Variants in WWOX observed in about 807,000 individuals in gnomAD.
WWOX encodes WW domain containing oxidoreductase, also known as WW domain-containing oxidoreductase.
Under a neutral mutation model 46.2 loss-of-function variants are expected in WWOX, and 69 were observed. That is an observed-to-expected ratio of 1.49 (90% CI 1.23 to 1.82). The LOEUF (loss-of-function observed/expected upper bound fraction) is 1.82, where lower values mean the gene tolerates loss of function less well. WWOX is among the 40% of genes most tolerant of loss of function. The probability of loss-of-function intolerance (pLI) is 0.00; values close to 1 mark genes in which losing one functional copy is unlikely to be tolerated. For synonymous variants in WWOX, 359 were observed against 202.6 expected, an observed-to-expected ratio of 1.77 and a Z score of -6.56; for missense variants, 919 against 542.6, an observed-to-expected ratio of 1.69 and a Z score of -6.89.
chr16:78,463,140 G>A (rs934795440), intron 8 of WWOX, among the ~76,000 whole-genome samples: 2 of 152,156 alleles, frequency 1.3e-5, no homozygotes, highest in Non-Finnish European at 1.5e-5. Context: ...GGAGATTTGG[G>A]GTTGGCATGC....
chr16:78,108,435 G>C lies in WWOX; in HGVS notation c.120G>C (p.Glu40Asp), dbSNP rs756238528. The C allele has an allele frequency of 6.2e-7, 1 of 1,613,618 alleles. No homozygotes were observed. The highest frequency in any genetic ancestry group is 8.5e-7 in the Non-Finnish European group (1 of 1,179,848). The change falls in exon 2 of 9, where the codon GAG becomes GAC. Residue 40 changes from glutamate (E) to aspartate (D), a missense_variant. Glu to Asp is a conservative substitution (Grantham distance 45, BLOSUM62 2). Transcript: ENST00000566780. ...GWVYYANHTEEKTQWEHPKTG... is the reference protein window; with the variant it reads ...GWVYYANHTEDKTQWEHPKTG... Reference sequence around the variant, plus strand: ...TGTTTTTTAACAGTCACACCGAGGAGAAGACTCAGTGGGAACATCCAAAAA... The same window carrying C: ...TGTTTTTTAACAGTCACACCGAGGACAAGACTCAGTGGGAACATCCAAAAA...
chr16:78,120,347 GATCA>G (rs1421165699), intron 4 of WWOX, among the ~76,000 whole-genome samples: 3 of 152,082 alleles, frequency 2.0e-5, no homozygotes, highest in African/African-American at 7.2e-5. Context: ...GAGGCGGGTG[GATCA>G]TGAGGTCAGG....
chr16:78,831,701 A>T (rs1432093765), intron 8 of WWOX, among the ~76,000 whole-genome samples: 1 of 152,202 alleles, frequency 6.6e-6, no homozygotes, highest in Admixed American at 6.5e-5. Context: ...AATTTATGTA[A>T]AGCACAAAGC....
chr16:78,418,031 TAAAAAATTAATGAGTGCTTTCCAG>T (rs2082838721), intron 6 of WWOX, among the ~76,000 whole-genome samples: 1 of 152,132 alleles, frequency 6.6e-6, no homozygotes, highest in South Asian at 2.1e-4. Flanking sequence ...TTTTTCTAGT[TAAAAAATTAATGAGTGCTTTCCAG>T]CAAGCGCTTA....
At chr16:78,258,033 G>A (rs750442566) in intron 5 of WWOX, among the ~76,000 whole-genome samples, 7 of 152,148 alleles carry the variant, frequency 4.6e-5, no homozygotes, top group Non-Finnish European at 8.8e-5. Context: ...TAAGTATGAT[G>A]TAGGAAAATC....
At chr16:78,629,832 A>G (rs2046387012) in intron 8 of WWOX, among the ~76,000 whole-genome samples, 1 of 152,228 alleles carries the variant, frequency 6.6e-6, no homozygotes, top group Non-Finnish European at 1.5e-5. Flanking sequence ...AGAAATAGAA[A>G]AAACTAATTT....
chr16:78,783,987 T>A (rs1438414083), intron 8 of WWOX, among the ~76,000 whole-genome samples: 1 of 152,048 alleles, frequency 6.6e-6, no homozygotes, highest in Admixed American at 6.6e-5. Context: ...ATGATAGTGG[T>A]GATAATGTTG....
chr16:78,733,576 T>A (rs2049015091), intron 8 of WWOX, among the ~76,000 whole-genome samples: 1 of 149,376 alleles, frequency 6.7e-6, no homozygotes, highest in South Asian at 2.1e-4. Flanking sequence ...TGAAACCCTA[T>A]CTCTACTGAA....
chr16:78,791,961 T>C (rs1019620705), intron 8 of WWOX, among the ~76,000 whole-genome samples: 28 of 152,158 alleles, frequency 1.8e-4, no homozygotes, highest in African/African-American at 6.0e-4. Flanking sequence ...GTTTTTCTTA[T>C]TGTTTTTTGT....
intron 8 of WWOX, among the ~76,000 whole-genome samples, chr16:79,073,247 G>A (rs567382588): frequency 2.0e-5 from 3 of 151,476 alleles, no homozygotes; most frequent in East Asian, 1.9e-4. Flanking sequence ...TGGCACGATC[G>A]CAGCTCACTG....
chr16:78,473,451 G>C (rs547404373), intron 8 of WWOX, among the ~76,000 whole-genome samples: 2 of 152,258 alleles, frequency 1.3e-5, no homozygotes, highest in African/African-American at 4.8e-5. Context: ...AGTATGACAA[G>C]GGAAGAGTTA....
chr16:79,132,740 A>G (rs747215717), intron 8 of WWOX, among the ~76,000 whole-genome samples: 5 of 152,190 alleles, frequency 3.3e-5, no homozygotes, highest in Non-Finnish European at 7.3e-5. Flanking sequence ...AGTTAAGCAC[A>G]CTCAAGCCTC....
chr16:78,704,516 G>C (rs1267199944), intron 8 of WWOX, among the ~76,000 whole-genome samples: 1 of 152,110 alleles, frequency 6.6e-6, no homozygotes, highest in African/African-American at 2.4e-5. Flanking sequence ...GAGCAACAAC[G>C]AGACTTAGTA....
chr16:79,067,568 A>G (rs1444570234), intron 8 of WWOX, among the ~76,000 whole-genome samples: 1 of 129,566 alleles, frequency 7.7e-6, no homozygotes, highest in Non-Finnish European at 1.5e-5. Flanking sequence ...ATGGAATAGT[A>G]CTAATACTTC....
chr16:78,504,280 A>AG (rs1262333564), intron 8 of WWOX, among the ~76,000 whole-genome samples: 1 of 152,204 alleles, frequency 6.6e-6, no homozygotes, highest in Non-Finnish European at 1.5e-5. Context: ...GTATCCCTGA[A>AG]GGGGGAAAAG....
At chr16:78,222,290 G>T (rs56733316) in intron 5 of WWOX, among the ~76,000 whole-genome samples, 2,763 of 151,698 alleles carry the variant, frequency 0.018, 69 homozygotes, top group African/African-American at 0.063. Context: ...TCAGGGCCAA[G>T]GGCCCAGCTG....
At chr16:78,519,063 G>A (rs1428576670) in intron 8 of WWOX, among the ~76,000 whole-genome samples, 1 of 152,202 alleles carries the variant, frequency 6.6e-6, no homozygotes, top group African/African-American at 2.4e-5. Context: ...TCTTATACAT[G>A]AGACAGCTAT....
chr16:78,382,822 TAAAC>T (rs550495388), intron 5 of WWOX, among the ~76,000 whole-genome samples: 48 of 152,110 alleles, frequency 3.2e-4, no homozygotes, highest in Admixed American at 7.2e-4. Flanking sequence ...GCAAAGAAAA[TAAAC>T]GCATCTCAAG....
chr16:78,825,691 C>G, intron 8 of WWOX: 1 of 544,590 alleles, frequency 1.8e-6, no homozygotes, highest in Non-Finnish European at 3.5e-6. Context: ...GCTGTGGTTT[C>G]TGGGAGACTC....
Sources: gnomAD v4.1 joint callset for allele counts (sites outside exome capture counted in the v4.1 genomes callset) on GRCh38, gnomAD v4.1.1 for gene constraint, MANE v1.5 for transcripts, NCBI Gene and HGNC (gene_info 2026-07-23, HGNC 2026-07-21) for gene names.